Variants in HERC6 observed in about 807,000 individuals in gnomAD.
HERC6 encodes HECT and RLD domain containing E3 ubiquitin protein ligase family member 6, also known as probable E3 ubiquitin-protein ligase HERC6.
HERC6 carries 101 observed loss-of-function variants against 114.5 expected under a neutral mutation model. The observed-to-expected ratio is 0.88, with a 90% CI of 0.75 to 1.04. HERC6 has a LOEUF of 1.04. Among genes scored for constraint, HERC6 ranks in the 50% least tolerant of loss-of-function variants. HERC6 has a pLI of 0.00. For synonymous variants in HERC6, 408 were observed against 436.2 expected (o/e 0.94, Z 0.81); for missense variants, 1,133 against 1,230.9 (o/e 0.92, Z 1.19).
In HERC6 at chr4:88,439,902, T is replaced by C. The variant is rs1373718508; in HGVS notation, c.2584T>C (p.Tyr862His). The C allele has an allele frequency of 6.4e-7, 1 of 1,569,162 alleles. No individual in the cohort carries two copies. The highest frequency in any genetic ancestry group is 1.2e-5 in the South Asian group (1 of 84,038). The change falls in exon 21 of 23, where the codon TAC becomes CAC. Residue 862 changes from tyrosine (Y) to histidine (H), a missense_variant. Transcript: ENST00000264346. ...KRDYVSKYIDYIFNVSVKAVY... is the reference protein window; with the variant it reads ...KRDYVSKYIDHIFNVSVKAVY... ...AGACTATGTTTCTAAGTATATTGATTACATTTTCAACGTCTCTGTAAAAGC... is the reference window on the plus strand; with the variant it reads ...AGACTATGTTTCTAAGTATATTGATCACATTTTCAACGTCTCTGTAAAAGC...
chr4:88,391,893 T>C (rs1166033027), intron 4 of HERC6, among the ~76,000 whole-genome samples: 1 of 152,088 alleles, frequency 6.6e-6, no homozygotes. Flanking sequence ...CATTTCACCA[T>C]TTCAGCATTA....
chr4:88,387,177 A>G (rs1234735406), intron 3 of HERC6, among the ~76,000 whole-genome samples: 1 of 152,184 alleles, frequency 6.6e-6, no homozygotes, highest in Non-Finnish European at 1.5e-5. Flanking sequence ...CAGGAGGATC[A>G]CTTGAGGCCA....
rs891118712 is a variant in HERC6, at chr4:88,394,583, C to T, written c.759+1001C>T. ...TTTTTGAGACAGAATCTCGCTCAGTCGCCCAGGCTGGAGTGCAGTGGTGCA... is the reference window on the plus strand; with the variant it reads ...TTTTTGAGACAGAATCTCGCTCAGTTGCCCAGGCTGGAGTGCAGTGGTGCA... On this transcript the variant is annotated intron_variant, in intron 5 of 22. Transcript: ENST00000264346. 2.7e-5 allele frequency among the ~76,000 whole-genome samples: 4 copies of T among 150,592 alleles called. No individual in the cohort carries two copies. The South Asian group carries it at 6.2e-4, about 24-fold the overall frequency.
intron 22 of HERC6, chr4:88,440,757 G>A (rs1208822906): frequency 6.6e-6 from 1 of 152,348 alleles, no homozygotes; most frequent in Non-Finnish European, 1.5e-5. Flanking sequence ...CTTTCTATTG[G>A]TGGAGCTGCT....
intron 12 of HERC6, 32 bp downstream of exon 12, chr4:88,413,298 A>T: frequency 6.6e-7 from 1 of 1,508,610 alleles, no homozygotes; most frequent in African/African-American, 1.4e-5. Context: ...CTGTACTCTC[A>T]ATATAGAGTC....
Position 88,440,267 on chromosome 4 carries a change from T to A in HERC6, c.2842+17T>A. The A allele has an allele frequency of 7.9e-7, 1 of 1,261,366 alleles. No individual in the cohort carries two copies. Among genetic ancestry groups the A allele is most frequent in the Non-Finnish European group, 1.1e-6 (1 of 876,446 alleles). 78.1% of individuals were successfully genotyped at this position (1,261,366 alleles called of 1,614,324 possible). ...AATTCCTCTGTAAGTACTGTGGTAC[T>A]AGATGGACACATAATTATGTATCTT... On this transcript the variant is annotated intron_variant, in intron 22 of 22. Coordinates refer to ENST00000264346, the MANE Select transcript of HERC6 (RefSeq NM_017912.4).
intron 2 of HERC6, 121 bp downstream of exon 2, chr4:88,383,501 G>C: frequency 1.4e-6 from 1 of 738,822 alleles, no homozygotes; most frequent in Non-Finnish European, 2.0e-6. Flanking sequence ...GTTCATGTCT[G>C]TAATCCCAAC....
chr4:88,431,421 A>G, intron 17 of HERC6, 116 bp downstream of exon 17: 1 of 1,192,622 alleles, frequency 8.4e-7, no homozygotes, highest in Non-Finnish European at 1.2e-6. Context: ...TGCTACTCAT[A>G]TTTTGAGTAG....
At chr4:88,404,708 C>A (rs1735728281) in intron 8 of HERC6, among the ~76,000 whole-genome samples, 168 bp from the exon 9 acceptor site, 1 of 151,812 alleles carries the variant, frequency 6.6e-6, no homozygotes, top group Admixed American at 6.6e-5. Context: ...GTGGCCCAGG[C>A]TAGGAGGTGG....
rs748020861 is a variant in HERC6 at position 88,439,976 on chromosome 4, G to A, written c.2658G>A (p.Glu886=). The A allele has an allele frequency of 6.2e-7, 1 of 1,612,004 alleles. No individual in the cohort carries two copies. The highest frequency in any genetic ancestry group is 1.7e-5 in the Admixed American group (1 of 59,656). ...GATTTTATAGAGTCTGTGAGAAGGA[G>A]ATACTTAGACATTTCTACCCTGAAG... The part of the protein sequence containing the change: ...QRGFYRVCEK[E]ILRHFYPEEL... The change falls in exon 21 of 23, where the codon GAG becomes GAA. Residue 886 remains glutamate, a synonymous_variant. Transcript: ENST00000264346.
In HERC6 at chr4:88,378,958, C is replaced by T. The variant is rs1452126488; in HGVS notation, c.37C>T (p.Gln13Ter). 1.3e-6 allele frequency: 2 copies of T among 1,594,702 alleles called. No individual in the cohort carries two copies. Among genetic ancestry groups the T allele is most frequent in the East Asian group, 4.5e-5 (2 of 44,050 alleles). The stretch of plus-strand genomic sequence containing the variant: ...TTGGGGCGCCGACTCCAGGGAGCTG[C>T]AGCGCCGGAGGACGGCGGGCAGCCC... ...FCWGADSREL[Q>*]RRRTAGSPGA... Residue 13 changes from glutamine (Q) to a stop codon, truncating the protein, a stop_gained, in exon 1 of 23, where the codon CAG (glutamine) becomes TAG (stop). Transcript: ENST00000264346. LOFTEE classifies it high-confidence loss of function.
chr4:88,380,285 T>C (rs1734202140), intron 1 of HERC6, among the ~76,000 whole-genome samples: 1 of 77,334 alleles, frequency 1.3e-5, no homozygotes, highest in Non-Finnish European at 2.2e-5. Context: ...AATATATAAA[T>C]ATATAATATA....
chr4:88,442,854 C>T lies in HERC6; in HGVS notation c.*394C>T, dbSNP rs1368933854. The T allele has an allele frequency of 9.2e-6, 2 of 217,612 alleles. No individual in the cohort carries two copies. The highest frequency in any genetic ancestry group is 2.0e-4 in the East Asian group (2 of 10,124). The allele number at this position is 217,612 out of a possible 1,614,324, so 13.5% of individuals were successfully genotyped here. A position where few individuals can be genotyped will look rare whatever the true frequency, so the allele number is the denominator to read the frequency against. On this transcript the variant is annotated 3_prime_UTR_variant, in exon 23 of 23. Coordinates refer to ENST00000264346, the MANE Select transcript of HERC6 (RefSeq NM_017912.4). ...ACATTCATTTGCATAAGGAGTCAAA[C>T]CACACCAGTCTTGGATTGGCTGTGA...
At chr4:88,385,205 T>C (rs1390954903) in intron 2 of HERC6, among the ~76,000 whole-genome samples, 1 of 152,190 alleles carries the variant, frequency 6.6e-6, no homozygotes, top group Non-Finnish European at 1.5e-5. Context: ...TATTTCTCTT[T>C]TAGGCTATTA....
chr4:88,403,219 T>C (rs570211201), intron 8 of HERC6, among the ~76,000 whole-genome samples: 1 of 152,260 alleles, frequency 6.6e-6, no homozygotes, highest in African/African-American at 2.4e-5. Flanking sequence ...GAGTATTTTT[T>C]AGATGCAAAT....
chr4:88,430,368 G>A (rs1578422536), intron 16 of HERC6, among the ~76,000 whole-genome samples: 1 of 151,834 alleles, frequency 6.6e-6, no homozygotes, highest in Non-Finnish European at 1.5e-5. Context: ...AAGGTGGGCG[G>A]ATTACCAGCT....
intron 5 of HERC6, 22 bp from the exon 6 acceptor site, chr4:88,395,993 T>A: frequency 6.4e-7 from 1 of 1,555,374 alleles, no homozygotes; most frequent in African/African-American, 1.4e-5. Context: ...GAAATTAATT[T>A]GATTCTTCCT....
At chr4:88,400,485 C>T (rs919677161) in intron 8 of HERC6, among the ~76,000 whole-genome samples, 2 of 152,196 alleles carry the variant, frequency 1.3e-5, no homozygotes, top group Non-Finnish European at 2.9e-5. Flanking sequence ...GTGTATACCA[C>T]CGTGCCTGGC....
Position 88,424,588 on chromosome 4 carries a change from T to C in HERC6, c.1828-7T>C, listed in dbSNP as rs1365486955. 1 of 1,571,066 alleles carries C rather than the reference T, an allele frequency of 6.4e-7. No individual in the cohort carries two copies. Reference sequence around the variant, plus strand: ...TATCAAAACTATTATCTCTGTTTATTTTTTAGATACCTGCAGAAACCCCCA... The same window carrying C: ...TATCAAAACTATTATCTCTGTTTATCTTTTAGATACCTGCAGAAACCCCCA... On this transcript the variant is annotated splice_polypyrimidine_tract_variant and splice_region_variant and intron_variant, in intron 14 of 22. Transcript: ENST00000264346.
Sources: gnomAD v4.1 joint callset for allele counts (sites outside exome capture counted in the v4.1 genomes callset) on GRCh38, gnomAD v4.1.1 for gene constraint, MANE v1.5 for transcripts, NCBI Gene and HGNC (gene_info 2026-07-23, HGNC 2026-07-21) for gene names.